The following ASTN1 variants were observed in gnomAD, a reference collection of about 807,000 sequenced individuals.
The protein encoded by ASTN1 is astrotactin 1, also known as astrotactin-1.
In ASTN1, 41 loss-of-function variants were observed where a neutral mutation model predicts 140.7. The ratio of observed to expected loss-of-function variants is 0.29; its 90% CI spans 0.23 to 0.38. The LOEUF is 0.38. ASTN1 is among the 10% of genes least tolerant of loss of function. ASTN1 has a pLI of 1.00. For synonymous variants in ASTN1, 640 were observed against 652.2 expected, an observed-to-expected ratio of 0.98 and a Z score of 0.29; for missense variants, 1,479 against 1,678.8, an observed-to-expected ratio of 0.88 and a Z score of 2.08.
intron 7 of ASTN1, among the ~76,000 whole-genome samples, chr1:177,021,171 G>T (rs1675804160): frequency 6.6e-6 from 1 of 152,146 alleles, no homozygotes; most frequent in Admixed American, 6.5e-5. Context: ...TTGCAGTATT[G>T]TTTCTCAGCT....
chr1:176,916,626 C>A, intron 16 of ASTN1, among the ~76,000 whole-genome samples: 1 of 152,100 alleles, frequency 6.6e-6, no homozygotes, highest in East Asian at 1.9e-4. Context: ...CCTAAATTAA[C>A]GTCATATCAA....
chr1:177,130,081 TCA>T (rs948418673), intron 1 of ASTN1, among the ~76,000 whole-genome samples: 2 of 152,234 alleles, frequency 1.3e-5, no homozygotes, highest in African/African-American at 4.8e-5. Flanking sequence ...TTGCCCCAAG[TCA>T]CAGAGCTTAT....
In ASTN1 at chr1:176,864,411, C is replaced by T; in HGVS notation, c.3758G>A (p.Cys1253Tyr). 1 of 1,614,152 alleles carries T rather than the reference C, an allele frequency of 6.2e-7. No homozygotes were observed. The highest frequency in any genetic ancestry group is 1.1e-5 in the South Asian group (1 of 91,078). The change falls in exon 23 of 23, where the codon TGC (cysteine) becomes TAC (tyrosine). Residue 1253 changes from cysteine to tyrosine, a missense_variant. Physicochemically the swap from Cys to Tyr is radical, Grantham distance 194. Transcript: ENST00000361833. ...GTAGGGTTTGATCTCGCTGTAGCGG[C>T]ACCCCAGGTACTTGAGTGAGCTGCG... The part of the protein sequence containing the change: ...LRRSSLKYLG[C>Y]RYSEIKPYGL...
At chr1:177,029,340 T>C (rs1457624696) in intron 5 of ASTN1, 3 of 610,204 alleles carry the variant, frequency 4.9e-6, no homozygotes, top group Non-Finnish European at 9.7e-6. Flanking sequence ...AAAATATGAC[T>C]CCTGAGTCTT....
chr1:177,121,042 T>C (rs1681356638), intron 1 of ASTN1, among the ~76,000 whole-genome samples: 1 of 152,054 alleles, frequency 6.6e-6, no homozygotes, highest in South Asian at 2.1e-4. Flanking sequence ...GGCAAGCTTT[T>C]GTTTGCATTT....
intron 18 of ASTN1, among the ~76,000 whole-genome samples, chr1:176,885,675 A>C (rs1669005144): frequency 6.6e-6 from 1 of 152,184 alleles, no homozygotes; most frequent in Non-Finnish European, 1.5e-5. Context: ...AATGACACCA[A>C]ACCATCTGCA....
intron 1 of ASTN1, among the ~76,000 whole-genome samples, chr1:177,090,338 T>C (rs552107679): frequency 6.6e-6 from 1 of 152,166 alleles, no homozygotes; most frequent in East Asian, 1.9e-4. Context: ...ATGCTAGACA[T>C]AGCTATAGCT....
At chr1:177,046,904 C>T (rs1677258704) in intron 2 of ASTN1, among the ~76,000 whole-genome samples, 1 of 152,120 alleles carries the variant, frequency 6.6e-6, no homozygotes, top group South Asian at 2.1e-4. Flanking sequence ...ACCTGCTCCC[C>T]ATCCCAACAG....
At chr1:176,953,257 C>T (rs1672267130) in intron 11 of ASTN1, among the ~76,000 whole-genome samples, 1 of 152,178 alleles carries the variant, frequency 6.6e-6, no homozygotes, top group South Asian at 2.1e-4. Flanking sequence ...GAAGTGGGTG[C>T]TCTGTTGGGA....
At chr1:176,942,828 A>ATC (rs1671784188) in intron 14 of ASTN1, among the ~76,000 whole-genome samples, 1 of 22,248 alleles carries the variant, frequency 4.5e-5, no homozygotes, top group Non-Finnish European at 8.5e-5. Context: ...GTGTATATAT[A>ATC]TATATATGTA....
chr1:176,888,638 C>T (rs1226307143), intron 17 of ASTN1, among the ~76,000 whole-genome samples: 1 of 152,204 alleles, frequency 6.6e-6, no homozygotes, highest in Non-Finnish European at 1.5e-5. Flanking sequence ...CTACCTGCCC[C>T]AGTATTCCCT....
chr1:177,122,652 C>T (rs76923046), intron 1 of ASTN1, among the ~76,000 whole-genome samples: 1,620 of 152,282 alleles, frequency 0.011, 29 homozygotes, highest in African/African-American at 0.037. Flanking sequence ...TCACCACCCG[C>T]GGTTTTCGCA....
intron 22 of ASTN1, among the ~76,000 whole-genome samples, 153 bp from the exon 23 acceptor site, chr1:176,864,674 C>T (rs1406947146): frequency 6.6e-6 from 1 of 151,416 alleles, no homozygotes; most frequent in African/African-American, 2.4e-5. Context: ...ACAGTGAGTC[C>T]TCCAAAAATA....
intron 1 of ASTN1, among the ~76,000 whole-genome samples, chr1:177,074,822 T>C (rs1489978919): frequency 6.6e-6 from 1 of 152,218 alleles, no homozygotes; most frequent in East Asian, 1.9e-4. Flanking sequence ...AGTACTTCAA[T>C]TTCAAGAGGT....
chr1:176,938,321 A>T (rs1414297213), intron 14 of ASTN1, among the ~76,000 whole-genome samples: 1 of 152,220 alleles, frequency 6.6e-6, no homozygotes, highest in Non-Finnish European at 1.5e-5. Context: ...AATAACAAGT[A>T]TTGTCTAGTT....
At chr1:176,957,883 C>T (rs566744775) in intron 10 of ASTN1, 55 bp from the exon 11 acceptor site, 100 of 1,571,286 alleles carry the variant, frequency 6.4e-5, no homozygotes, top group Non-Finnish European at 8.4e-5. Flanking sequence ...CCAGATGCAA[C>T]AAGTGGCATT....
intron 2 of ASTN1, among the ~76,000 whole-genome samples, chr1:177,036,680 T>C (rs1571689109): frequency 6.6e-6 from 1 of 152,170 alleles, no homozygotes; most frequent in Non-Finnish European, 1.5e-5. Context: ...GAAGAAAATA[T>C]AGGCCCACCA....
chr1:176,922,580 A>AAAAAAAAAAAAAC, intron 16 of ASTN1, among the ~76,000 whole-genome samples: 1 of 142,020 alleles, frequency 7.0e-6, no homozygotes, highest in Non-Finnish European at 1.5e-5. Flanking sequence ...AAAAAAAAAA[A>AAAAAAAAAAAAAC]ATTCTCACAT....
At position 176,925,511 on chromosome 1, in the gene ASTN1, G is replaced by T. The variant is rs1431487889; in HGVS notation, c.2671+8641C>A. ...TATTACATTTTAAGAAGCACTGTTGGATAAGAGACAAAAACTATTCCAACA... is the reference window on the plus strand; with the variant it reads ...TATTACATTTTAAGAAGCACTGTTGTATAAGAGACAAAAACTATTCCAACA... On this transcript the variant is annotated intron_variant, in intron 16 of 22. Coordinates refer to ENST00000361833, the MANE Select transcript of ASTN1 (RefSeq NM_004319.3). 3.3e-5 allele frequency among the ~76,000 whole-genome samples: 5 copies of T among 152,152 alleles called. No homozygotes were observed. In the East Asian group the frequency reaches 9.7e-4, roughly 29 times the overall value.
Sources: gnomAD v4.1 joint callset for allele counts (sites outside exome capture counted in the v4.1 genomes callset) on GRCh38, gnomAD v4.1.1 for gene constraint, MANE v1.5 for transcripts, NCBI Gene and HGNC (gene_info 2026-07-23, HGNC 2026-07-21) for gene names.